ERBB4: variants seen among roughly 807,000 people sequenced by gnomAD.
ERBB4 encodes erb-b2 receptor tyrosine kinase 4.
Under a neutral mutation model 158.0 loss-of-function variants are expected in ERBB4, and 42 were observed. The observed-to-expected ratio is 0.27, with a 90% CI of 0.21 to 0.34. The LOEUF is 0.34. Ranked by LOEUF, ERBB4 falls within the 10% of genes least tolerant of loss-of-function variation. The pLI is 1.00. For synonymous variants in ERBB4, 583 were observed against 558.7 expected (o/e 1.04, Z -0.61); for missense variants, 1,333 against 1,624.1 (o/e 0.82, Z 3.08).
At chr2:211,664,054 C>T (rs1223954323) in intron 15 of ERBB4, among the ~76,000 whole-genome samples, 1 of 152,066 alleles carries the variant, frequency 6.6e-6, no homozygotes, top group Non-Finnish European at 1.5e-5. Flanking sequence ...TGGCAATTAC[C>T]ACTTCCAAGG....
intron 4 of ERBB4, among the ~76,000 whole-genome samples, chr2:211,785,445 A>T (rs1348473169): frequency 6.6e-6 from 1 of 152,094 alleles, no homozygotes; most frequent in Admixed American, 6.5e-5. Flanking sequence ...TGTCTATTTT[A>T]GCTTTTGCTG....
chr2:212,335,255 A>T (rs2088374892), intron 1 of ERBB4, among the ~76,000 whole-genome samples: 1 of 151,928 alleles, frequency 6.6e-6, no homozygotes, highest in African/African-American at 2.4e-5. Flanking sequence ...GGCACAGAGT[A>T]ATTGAAAATC....
At position 211,382,973 on chromosome 2, in the gene ERBB4, C is replaced by A. The variant is rs572887009; in HGVS notation, c.*642G>T. The stretch of plus-strand genomic sequence containing the variant: ...TCAGAGCAAAACAAAATGAAAAAAA[C>A]CAAAAAGTGTTGAAAACATAATTAC... On this transcript the variant is annotated 3_prime_UTR_variant, in exon 28 of 28. Coordinates refer to ENST00000342788, the MANE Select transcript of ERBB4 (RefSeq NM_005235.3). 79 of 231,814 alleles carry A rather than the reference C, an allele frequency of 3.4e-4. No homozygotes were observed. Among genetic ancestry groups the A allele is most frequent in the African/African-American group, 1.5e-3 (68 of 45,146 alleles). The allele number at this position is 231,814 out of a possible 1,614,324, so 14.4% of individuals were successfully genotyped here.
At chr2:211,530,300 A>G (rs2066460407) in intron 20 of ERBB4, among the ~76,000 whole-genome samples, 1 of 152,096 alleles carries the variant, frequency 6.6e-6, no homozygotes, top group Non-Finnish European at 1.5e-5. Flanking sequence ...GAAGTGAACA[A>G]TCTCTATAAT....
At chr2:212,293,408 G>C (rs1473561097) in intron 1 of ERBB4, among the ~76,000 whole-genome samples, 1 of 151,746 alleles carries the variant, frequency 6.6e-6, no homozygotes, top group Admixed American at 6.6e-5. Context: ...TTCAATAATA[G>C]AAAAATAGCT....
At chr2:211,454,194 A>G (rs149784551) in intron 20 of ERBB4, among the ~76,000 whole-genome samples, 256 of 152,316 alleles carry the variant, frequency 1.7e-3, no homozygotes, top group African/African-American at 5.9e-3. Context: ...CTTTTGCACC[A>G]ATCTAATATT....
intron 2 of ERBB4, among the ~76,000 whole-genome samples, chr2:212,080,571 G>A (rs1191151869): frequency 6.7e-6 from 1 of 148,764 alleles, no homozygotes; most frequent in African/African-American, 2.5e-5. Flanking sequence ...AAAGACCATA[G>A]CCTCAGAGTT....
intron 1 of ERBB4, among the ~76,000 whole-genome samples, chr2:212,129,518 A>T (rs1210181626): frequency 6.6e-6 from 1 of 151,706 alleles, no homozygotes; most frequent in Non-Finnish European, 1.5e-5. Context: ...TATGGTATAA[A>T]TACTTAGGAT....
At chr2:211,421,597 A>G (rs1327353893) in intron 24 of ERBB4, among the ~76,000 whole-genome samples, 1 of 151,910 alleles carries the variant, frequency 6.6e-6, no homozygotes, top group Non-Finnish European at 1.5e-5. Flanking sequence ...TAAATAATAT[A>G]CTGAAACTTT....
chr2:211,652,943 GA>G (rs1273389715), intron 16 of ERBB4, among the ~76,000 whole-genome samples: 1 of 152,056 alleles, frequency 6.6e-6, no homozygotes, highest in Non-Finnish European at 1.5e-5. Context: ...TAGAATAGGA[GA>G]CTGAGATTAA....
At chr2:212,144,321 T>C (rs1232666085) in intron 1 of ERBB4, among the ~76,000 whole-genome samples, 1 of 152,200 alleles carries the variant, frequency 6.6e-6, no homozygotes, top group Non-Finnish European at 1.5e-5. Flanking sequence ...GTATTTAAGA[T>C]TTTCCATAAA....
intron 1 of ERBB4, among the ~76,000 whole-genome samples, chr2:212,204,296 T>TA (rs2082671610): frequency 6.6e-6 from 1 of 152,212 alleles, no homozygotes; most frequent in Admixed American, 6.6e-5. Context: ...CCATTTCCTT[T>TA]AAAAAACTTT....
chr2:212,104,879 C>A (rs768235410), intron 2 of ERBB4, among the ~76,000 whole-genome samples: 1 of 152,106 alleles, frequency 6.6e-6, no homozygotes, highest in Admixed American at 6.6e-5. Context: ...AGATTCTATA[C>A]GTTTTACCAT....
intron 5 of ERBB4, among the ~76,000 whole-genome samples, chr2:211,734,267 G>T (rs2074527795): frequency 6.6e-6 from 1 of 152,040 alleles, no homozygotes; most frequent in African/African-American, 2.4e-5. Flanking sequence ...CTAAAGTAAT[G>T]TTCAGACATC....
chr2:212,194,282 A>C lies in ERBB4; in HGVS notation c.83-69379T>G, dbSNP rs2082357650. ...GGAGAAATAATTTATATATAGTTTA[A>C]ATAGTTTATACACACACACACACAC... On this transcript the variant is annotated intron_variant, in intron 1 of 27. Transcript: ENST00000342788. Among the ~76,000 whole-genome samples the C allele has an allele frequency of 4.6e-5, 5 of 108,888 alleles. No homozygotes were observed. The Admixed American group carries it at 5.2e-4, about 11-fold the overall frequency. The allele number at this position is 108,888 out of a possible 152,430, so 71.4% of individuals were successfully genotyped here. A position where few individuals can be genotyped will look rare whatever the true frequency, so the allele number is the denominator to read the frequency against.
At chr2:212,295,699 T>G (rs1178736457) in intron 1 of ERBB4, among the ~76,000 whole-genome samples, 1 of 152,028 alleles carries the variant, frequency 6.6e-6, no homozygotes, top group Non-Finnish European at 1.5e-5. Context: ...TGCAGTGATG[T>G]TAGAAGGATT....
Position 211,403,996 on chromosome 2 carries a change from A to G in ERBB4, c.3136-16004T>C, listed in dbSNP as rs571272396. Among the ~76,000 whole-genome samples, 7 of 152,234 alleles carry G rather than the reference A, an allele frequency of 4.6e-5. No individual in the cohort carries two copies. The South Asian group carries it at 1.5e-3, about 32-fold the overall frequency. ...GGGAATGTTATGTCAAGAACCTAGC[A>G]TACTCAGTTGACAGCAGATATACAA... On this transcript the variant is annotated intron_variant, in intron 25 of 27. Transcript: ENST00000342788.
At chr2:212,375,906 G>T in intron 1 of ERBB4, among the ~76,000 whole-genome samples, 1 of 152,064 alleles carries the variant, frequency 6.6e-6, no homozygotes, top group East Asian at 1.9e-4. Flanking sequence ...AATGTCCCAA[G>T]GAAATCAGCA....
chr2:212,422,857 A>T (rs544706796), intron 1 of ERBB4, among the ~76,000 whole-genome samples: 1 of 152,316 alleles, frequency 6.6e-6, no homozygotes, highest in East Asian at 1.9e-4. Flanking sequence ...AAATATAAAT[A>T]TGTGATATAA....
Sources: gnomAD v4.1 joint callset for allele counts (sites outside exome capture counted in the v4.1 genomes callset) on GRCh38, gnomAD v4.1.1 for gene constraint, MANE v1.5 for transcripts, NCBI Gene and HGNC (gene_info 2026-07-23, HGNC 2026-07-21) for gene names.